The following ADK variants were observed in gnomAD, a reference collection of about 807,000 sequenced individuals.
The protein encoded by ADK is adenosine kinase.
A neutral mutation model predicts 44.7 loss-of-function variants in ADK; 24 were observed. That is an observed-to-expected ratio of 0.54 (90% CI 0.39 to 0.76). ADK has a LOEUF of 0.76. Among genes scored for constraint, ADK ranks in the 30% least tolerant of loss-of-function variants. The probability of loss-of-function intolerance (pLI) is 0.00; values close to 1 mark genes in which losing one functional copy is unlikely to be tolerated. For missense variants in ADK, 321 were observed against 425.1 expected, an observed-to-expected ratio of 0.76 and a Z score of 2.15; for synonymous variants, 128 against 142.6, an observed-to-expected ratio of 0.90 and a Z score of 0.73.
At chr10:74,481,989 A>G (rs373270822) in intron 6 of ADK, among the ~76,000 whole-genome samples, 1 of 152,122 alleles carries the variant, frequency 6.6e-6, no homozygotes, top group Non-Finnish European at 1.5e-5. Context: ...GGGAAGATTC[A>G]TCGTAGTTTT....
At chr10:74,364,690 GTGTGTGTGTGTGT>G (rs1564677919) in intron 4 of ADK, among the ~76,000 whole-genome samples, 13 of 5,598 alleles carry the variant, frequency 2.3e-3, no homozygotes, top group South Asian at 0.011. Flanking sequence ...AGGCTATGGT[GTGTGTGTGTGTGT>G]GTGTGTGTGT....
At chr10:74,561,652 T>C (rs1850465132) in intron 7 of ADK, among the ~76,000 whole-genome samples, 2 of 152,268 alleles carry the variant, frequency 1.3e-5, no homozygotes, top group Admixed American at 6.5e-5. Context: ...AGATGTTCAC[T>C]GTTTATAACA....
chr10:74,154,418 A>C (rs935564387), intron 1 of ADK, among the ~76,000 whole-genome samples: 1 of 152,036 alleles, frequency 6.6e-6, no homozygotes, highest in African/African-American at 2.4e-5. Flanking sequence ...ACAGGCGTAC[A>C]CCACTATGCC....
intron 6 of ADK, among the ~76,000 whole-genome samples, chr10:74,416,644 G>A (rs1447861779): frequency 1.3e-5 from 2 of 150,712 alleles, no homozygotes; most frequent in Non-Finnish European, 3.0e-5. Flanking sequence ...TTATCACACC[G>A]TCACTGCAAA....
chr10:74,343,730 T>G (rs1208141088), intron 4 of ADK, among the ~76,000 whole-genome samples: 1 of 152,172 alleles, frequency 6.6e-6, no homozygotes, highest in Non-Finnish European at 1.5e-5. Context: ...TGCCTCAGCC[T>G]CCTGAGTAGC....
intron 9 of ADK, among the ~76,000 whole-genome samples, chr10:74,615,665 C>T (rs985701871): frequency 1.3e-5 from 2 of 151,972 alleles, no homozygotes; most frequent in African/African-American, 4.8e-5. Flanking sequence ...GATGGAGCTC[C>T]TTTTCATCTG....
intron 2 of ADK, among the ~76,000 whole-genome samples, chr10:74,222,321 A>G (rs967669313): frequency 3.3e-5 from 5 of 152,140 alleles, no homozygotes; most frequent in African/African-American, 1.2e-4. Context: ...ATATCATCTC[A>G]CACCAGTTAG....
At chr10:74,206,661 C>T (rs1403867699) in intron 2 of ADK, among the ~76,000 whole-genome samples, 2 of 152,146 alleles carry the variant, frequency 1.3e-5, no homozygotes, top group Admixed American at 1.3e-4. Flanking sequence ...GGTGAACATG[C>T]CTCCAGATGT....
At chr10:74,543,061 C>T (rs1437879415) in intron 7 of ADK, among the ~76,000 whole-genome samples, 2 of 151,836 alleles carry the variant, frequency 1.3e-5, no homozygotes, top group Non-Finnish European at 2.9e-5. Flanking sequence ...CCACCACCCA[C>T]GGTTAATTTT....
chr10:74,665,779 G>C (rs866974010), intron 9 of ADK, among the ~76,000 whole-genome samples: 1,457 of 138,908 alleles, frequency 0.01, 8 homozygotes, highest in African/African-American at 0.03. Flanking sequence ...GAGAGAGAGA[G>C]AGACAGACAG....
intron 4 of ADK, among the ~76,000 whole-genome samples, chr10:74,333,465 T>C (rs2131853053): frequency 6.6e-6 from 1 of 152,278 alleles, no homozygotes; most frequent in African/African-American, 2.4e-5. Context: ...TTCCATTCTA[T>C]TAGAACCTTA....
intron 3 of ADK, among the ~76,000 whole-genome samples, chr10:74,243,628 C>A (rs977305016): frequency 6.6e-6 from 1 of 152,164 alleles, no homozygotes; most frequent in African/African-American, 2.4e-5. Flanking sequence ...TGCCTGTAAT[C>A]CCAGCACTTT....
At chr10:74,451,536 G>A (rs1845781009) in intron 6 of ADK, among the ~76,000 whole-genome samples, 1 of 152,090 alleles carries the variant, frequency 6.6e-6, no homozygotes, top group African/African-American at 2.4e-5. Flanking sequence ...TAAAAAGTTG[G>A]AAATGAAACC....
chr10:74,236,851 G>A (rs948037684), intron 3 of ADK, among the ~76,000 whole-genome samples: 7 of 152,226 alleles, frequency 4.6e-5, no homozygotes, highest in Admixed American at 3.3e-4. Flanking sequence ...GTAATCTATT[G>A]TATACAATAA....
At position 74,633,820 on chromosome 10, in the gene ADK, C is replaced by A. The variant is rs1035753990; in HGVS notation, c.877+33327C>A. On this transcript the variant is annotated intron_variant, in intron 9 of 10. Coordinates refer to ENST00000539909, the MANE Select transcript of ADK (RefSeq NM_006721.4). ...ATTTTTATGACTCTTTCTCTAGGGC[C>A]AGCCCAAGTTGGCACCAAGTAGCAT... 2.0e-5 allele frequency among the ~76,000 whole-genome samples: 3 copies of A among 152,184 alleles called. No homozygotes were observed. In the South Asian group the frequency reaches 6.2e-4, roughly 32 times the overall value.
intron 4 of ADK, among the ~76,000 whole-genome samples, chr10:74,338,280 G>C (rs1841476497): frequency 6.6e-6 from 1 of 152,166 alleles, no homozygotes; most frequent in African/African-American, 2.4e-5. Context: ...GTAAAAACTG[G>C]TGAGAATACA....
intron 1 of ADK, among the ~76,000 whole-genome samples, chr10:74,196,077 T>C (rs1368194923): frequency 1.3e-5 from 2 of 151,584 alleles, no homozygotes; most frequent in Non-Finnish European, 2.9e-5. Context: ...GTGCTGGGAT[T>C]ACAGGTGTGA....
At chr10:74,630,728 A>G (rs1353965541) in intron 9 of ADK, among the ~76,000 whole-genome samples, 1 of 152,162 alleles carries the variant, frequency 6.6e-6, no homozygotes, top group Admixed American at 6.5e-5. Context: ...TTGAATAAAT[A>G]TCTCATGGGG....
intron 5 of ADK, among the ~76,000 whole-genome samples, 199 bp from the exon 6 acceptor site, chr10:74,398,272 A>G (rs555259697): frequency 5.9e-5 from 9 of 152,224 alleles, no homozygotes; most frequent in East Asian, 1.9e-4. Flanking sequence ...GTTGTTTAGA[A>G]CAAAAATTAT....
Sources: gnomAD v4.1 joint callset for allele counts (sites outside exome capture counted in the v4.1 genomes callset) on GRCh38, gnomAD v4.1.1 for gene constraint, MANE v1.5 for transcripts, NCBI Gene and HGNC (gene_info 2026-07-23, HGNC 2026-07-21) for gene names.